Variants in RAB19 observed in about 807,000 individuals in gnomAD.
RAB19 encodes RAB19, member RAS oncogene family, also known as ras-related protein Rab-19.
A neutral mutation model predicts 17.3 loss-of-function variants in RAB19; 21 were observed. The ratio of observed to expected loss-of-function variants is 1.21; its 90% CI spans 0.86 to 1.74. The LOEUF (loss-of-function observed/expected upper bound fraction) is 1.74. RAB19 is among the 40% of genes most tolerant of loss of function. RAB19 has a pLI of 0.00. For missense variants in RAB19, 277 were observed against 286.8 expected (o/e 0.97, Z 0.25); for synonymous variants, 126 against 110.4 (o/e 1.14, Z -0.88).
chr7:140,417,637 T>C (rs1799484207), intron 3 of RAB19, among the ~76,000 whole-genome samples: 1 of 152,154 alleles, frequency 6.6e-6, no homozygotes, highest in South Asian at 2.1e-4. Flanking sequence ...TGTAACCAAC[T>C]GCCACGAGCT....
At chr7:140,409,560 G>C (rs984111193) in intron 2 of RAB19, among the ~76,000 whole-genome samples, 1 of 152,066 alleles carries the variant, frequency 6.6e-6, no homozygotes, top group African/African-American at 2.4e-5. Context: ...AACCGGGCGT[G>C]GTGGCACATG....
intron 3 of RAB19, among the ~76,000 whole-genome samples, chr7:140,424,677 A>T (rs1799631853): frequency 1.0e-5 from 1 of 96,622 alleles, no homozygotes; most frequent in African/African-American, 5.0e-5. Flanking sequence ...ATATATATAT[A>T]TATATACACA....
intron 3 of RAB19, among the ~76,000 whole-genome samples, chr7:140,424,963 T>C (rs1799637190): frequency 6.6e-6 from 1 of 151,968 alleles, no homozygotes; most frequent in South Asian, 2.1e-4. Context: ...AAGGCAAACT[T>C]TTATTGTATG....
intron 2 of RAB19, chr7:140,410,824 T>G: frequency 1.4e-6 from 1 of 712,912 alleles, no homozygotes; most frequent in Admixed American, 2.8e-5. Context: ...AAATTTTATA[T>G]AAATAGTATG....
At chr7:140,425,855 G>T in intron 3 of RAB19, 27 bp from the exon 4 acceptor site, 6 of 1,587,346 alleles carry the variant, frequency 3.8e-6, no homozygotes, top group Non-Finnish European at 5.1e-6. Context: ...TTACTCAATG[G>T]AATATCGGCT....
At chr7:140,405,672 C>G (rs1288232844) in intron 1 of RAB19, among the ~76,000 whole-genome samples, 1 of 151,856 alleles carries the variant, frequency 6.6e-6, no homozygotes, top group Non-Finnish European at 1.5e-5. Context: ...GCGACTGCGG[C>G]CTGGCGCACT....
rs1278451067 is a variant in RAB19, at chr7:140,424,617, C to CTA, written c.386-1264_386-1263insAT. ...TCTCTCTCTCTCTCTCTCTCTCTCT[C>CTA]TCTATATATATATATATATATATGT... On this transcript the variant is annotated intron_variant, in intron 3 of 3. Coordinates refer to ENST00000537763, the MANE Select transcript of RAB19 (RefSeq NM_001008749.3). Among the ~76,000 whole-genome samples, 202 of 73,078 alleles carry CTA rather than the reference C, an allele frequency of 2.8e-3. 1 individual carries two copies. Among genetic ancestry groups the CTA allele is most frequent in the Middle Eastern group, 0.013 (2 of 150 alleles). The allele number at this position is 73,078 out of a possible 152,430, so 47.9% of individuals were successfully genotyped here.
chr7:140,414,800 C>T (rs917952711), intron 3 of RAB19, among the ~76,000 whole-genome samples: 1 of 152,154 alleles, frequency 6.6e-6, no homozygotes, highest in Non-Finnish European at 1.5e-5. Flanking sequence ...GCCACTTTAT[C>T]AGCACAGGAA....
At chr7:140,418,939 C>T (rs1563073559) in intron 3 of RAB19, among the ~76,000 whole-genome samples, 1 of 151,718 alleles carries the variant, frequency 6.6e-6, no homozygotes, top group Non-Finnish European at 1.5e-5. Flanking sequence ...TCCTTCTGCC[C>T]CAAAGGCAAG....
chr7:140,413,877 C>T (rs190917230), intron 3 of RAB19, among the ~76,000 whole-genome samples: 53 of 152,160 alleles, frequency 3.5e-4, no homozygotes, highest in African/African-American at 1.2e-3. Context: ...GCGGAATGCA[C>T]GCATCTCACT....
rs1799271056 is a variant in RAB19 at position 140,407,765 on chromosome 7, G to C, written c.119G>C (p.Gly40Ala). The C allele has an allele frequency of 6.2e-7, 1 of 1,613,672 alleles. No individual in the cohort carries two copies. Residue 40 changes from glycine (G) to alanine (A), a missense_variant, in exon 2 of 4, where the codon GGA becomes GCA. Transcript: ENST00000537763. ...TGTGTGGTGCAGCATTTCAAGTCTG[G>C]AGTCTACACTGAGACACAGCAGAAC... ...KTCVVQHFKS[G>A]VYTETQQNTI...
chr7:140,426,290 T>A lies in RAB19; in HGVS notation c.*140T>A. 3.3e-6 allele frequency: 3 copies of A among 917,518 alleles called. No individual in the cohort carries two copies. Among genetic ancestry groups the A allele is most frequent in the Non-Finnish European group, 4.8e-6 (3 of 624,684 alleles). 56.8% of individuals were successfully genotyped at this position (917,518 alleles called of 1,614,324 possible). On this transcript the variant is annotated 3_prime_UTR_variant, in exon 4 of 4. Transcript: ENST00000537763. ...TCACCCCTAATCCTCCCAGTCTGGA[T>A]GGGCCACACTTCTCCCTTGACTCAC...
At chr7:140,415,207 T>A (rs1247400672) in intron 3 of RAB19, among the ~76,000 whole-genome samples, 2 of 152,032 alleles carry the variant, frequency 1.3e-5, no homozygotes, top group Non-Finnish European at 2.9e-5. Context: ...CCCAAGCAGC[T>A]GGGATTACAG....
At chr7:140,416,200 C>T (rs966794536) in intron 3 of RAB19, among the ~76,000 whole-genome samples, 8 of 151,596 alleles carry the variant, frequency 5.3e-5, no homozygotes, top group Non-Finnish European at 1.0e-4. Context: ...TTGTGGTGGG[C>T]ACCTGTAATC....
At chr7:140,419,531 C>T (rs906006721) in intron 3 of RAB19, among the ~76,000 whole-genome samples, 1 of 152,154 alleles carries the variant, frequency 6.6e-6, no homozygotes, top group Non-Finnish European at 1.5e-5. Context: ...GAACACCCTA[C>T]AGAGTATTTC....
intron 2 of RAB19, among the ~76,000 whole-genome samples, chr7:140,409,637 G>T (rs1189379494): frequency 6.6e-6 from 1 of 151,784 alleles, no homozygotes; most frequent in Non-Finnish European, 1.5e-5. Flanking sequence ...GGCAGAGGTT[G>T]CAGTGAGCTG....
chr7:140,425,222 G>T (rs760401018), intron 3 of RAB19, among the ~76,000 whole-genome samples: 8 of 152,112 alleles, frequency 5.3e-5, no homozygotes, highest in Non-Finnish European at 1.0e-4. Context: ...GGAGGCAAAG[G>T]TTGCAGTGAG....
rs751917314 is a variant in RAB19, at chr7:140,425,996, A to C, written c.500A>C (p.Asn167Thr). 5 of 1,614,080 alleles carry C rather than the reference A, an allele frequency of 3.1e-6. No individual in the cohort carries two copies. In the African/African-American group the frequency reaches 6.7e-5, roughly 22 times the overall value. The change falls in exon 4 of 4, where the codon AAC becomes ACC. Residue 167 changes from asparagine to threonine, a missense_variant. Asn to Thr is a moderately conservative substitution (Grantham distance 65). Coordinates refer to ENST00000537763, the MANE Select transcript of RAB19 (RefSeq NM_001008749.3). ...VLETSAKESKNIEEVFVLMAK... is the reference protein window; with the variant it reads ...VLETSAKESKTIEEVFVLMAK... ...GAGACATCTGCCAAGGAGTCAAAGA[A>C]CATAGAAGAAGTCTTCGTGCTCATG...
intron 3 of RAB19, among the ~76,000 whole-genome samples, chr7:140,422,805 C>G (rs1036151982): frequency 1.3e-5 from 2 of 151,390 alleles, no homozygotes; most frequent in Non-Finnish European, 2.9e-5. Context: ...GACCCTGTCT[C>G]AAAAAAAATG....
Sources: allele counts gnomAD v4.1 joint callset (sites outside exome capture counted in the v4.1 genomes callset), GRCh38; gene constraint gnomAD v4.1.1; transcripts MANE v1.5; gene names NCBI Gene and HGNC (gene_info 2026-07-23, HGNC 2026-07-21).